The following PCDHGA1 variants were observed in gnomAD, a reference collection of about 807,000 sequenced individuals.
The protein encoded by PCDHGA1 is protocadherin gamma-A1.
In PCDHGA1, 32 loss-of-function variants were observed where a neutral mutation model predicts 58.0. That is an observed-to-expected ratio of 0.55 (90% CI 0.42 to 0.74). The LOEUF (loss-of-function observed/expected upper bound fraction) is 0.74. PCDHGA1 is among the 30% of genes least tolerant of loss of function. The probability of loss-of-function intolerance (pLI) is 0.00; values close to 1 mark genes in which losing one functional copy is unlikely to be tolerated. For missense variants in PCDHGA1, 1,205 were observed against 1,182.3 expected (o/e 1.02, Z -0.28); for synonymous variants, 498 against 501.1 (o/e 0.99, Z 0.08).
chr5:141,341,139 G>A, intron 1 of PCDHGA1: 2 of 1,614,194 alleles, frequency 1.2e-6, no homozygotes, highest in Non-Finnish European at 1.7e-6. Context: ...CACAAGTCAC[G>A]CCTGCTGCAG....
intron 1 of PCDHGA1, among the ~76,000 whole-genome samples, chr5:141,358,974 C>A (rs1440988356): frequency 1.3e-5 from 2 of 152,270 alleles, no homozygotes; most frequent in African/African-American, 2.4e-5. Flanking sequence ...TGTGAGAATT[C>A]AAAATTCATG....
chr5:141,333,079 GAAGACAAAAAGGAA>G lies in PCDHGA1; in HGVS notation c.2396_2409del (p.Glu799AlafsTer30). 6.2e-7 allele frequency: 1 copy of G among 1,614,108 alleles called. No homozygotes were observed. Among genetic ancestry groups the G allele is most frequent in the Non-Finnish European group, 8.5e-7 (1 of 1,180,010 alleles). On this transcript the variant is annotated frameshift_variant, in exon 1 of 4. Coordinates refer to ENST00000517417, the MANE Select transcript of PCDHGA1 (RefSeq NM_018912.3). LOFTEE classifies it high-confidence loss of function. ...TCTATCAGCACCCCAGTCTTTACTTGAAGACAAAAAGGAACCATTTTCTCAGGTAAACTTTTGTG... is the reference window on the plus strand; with the variant it reads ...TCTATCAGCACCCCAGTCTTTACTTGCCATTTTCTCAGGTAAACTTTTGTG...
chr5:141,403,207 CACCGCGGGTAGGATAG>C, intron 1 of PCDHGA1: 1 of 1,613,966 alleles, frequency 6.2e-7, no homozygotes, highest in South Asian at 1.1e-5. Context: ...GCACCTTGGT[CACCGCGGGTAGGATAG>C]ACCGGGAGGA....
chr5:141,347,143 CTTTCTT>C (rs1757902436), intron 1 of PCDHGA1, among the ~76,000 whole-genome samples: 6 of 104,078 alleles, frequency 5.8e-5, no homozygotes, highest in South Asian at 2.9e-4. Context: ...TTCTCTCTTT[CTTTCTT>C]TCTTTCTTTC....
chr5:141,372,765 A>G, intron 1 of PCDHGA1: 1 of 1,612,386 alleles, frequency 6.2e-7, no homozygotes, highest in Non-Finnish European at 8.5e-7. Flanking sequence ...GTTTGAAAGT[A>G]ATGACAATCC....
chr5:141,429,390 A>T (rs556289214), intron 1 of PCDHGA1, among the ~76,000 whole-genome samples: 3,394 of 150,296 alleles, frequency 0.023, 54 homozygotes, highest in South Asian at 0.043. Context: ...TTTTTTTTAA[A>T]AAAAATTGAG....
rs374680392 is a variant in PCDHGA1, at chr5:141,350,390, C to G, written c.2421+17285C>G. 1.1e-4 allele frequency: 173 copies of G among 1,596,702 alleles called. No individual in the cohort carries two copies. The highest frequency in any genetic ancestry group is 1.4e-4 in the Non-Finnish European group (167 of 1,169,146). ...TCCAGAGGAGCTAGCCAACGGCTCA[C>G]GGGTGGGGAAACTTGCCAAGGATCT... On this transcript the variant is annotated intron_variant, in intron 1 of 3. Transcript: ENST00000517417.
chr5:141,346,360 C>T (rs370532251), intron 1 of PCDHGA1: 14 of 1,614,110 alleles, frequency 8.7e-6, no homozygotes, highest in Non-Finnish European at 1.1e-5. Flanking sequence ...CCCAACTATG[C>T]GGACACGCTC....
chr5:141,453,620 A>G (rs2098770145), intron 1 of PCDHGA1, among the ~76,000 whole-genome samples: 1 of 152,196 alleles, frequency 6.6e-6, no homozygotes. Context: ...CAAAAACAAA[A>G]CCTATACATA....
chr5:141,510,837 GTCAAGGCCCAGGGTGC>G, intron 3 of PCDHGA1, 94 bp from the exon 4 acceptor site: 1 of 1,586,392 alleles, frequency 6.3e-7, no homozygotes, highest in Non-Finnish European at 8.6e-7. Flanking sequence ...GCTCAGCGTG[GTCAAGGCCCAGGGTGC>G]TGTATAGGCA....
At chr5:141,454,283 T>G (rs2098785864) in intron 1 of PCDHGA1, among the ~76,000 whole-genome samples, 1 of 152,134 alleles carries the variant, frequency 6.6e-6, no homozygotes, top group Non-Finnish European at 1.5e-5. Flanking sequence ...AACTTCACAT[T>G]AAAGGAACTC....
Position 141,332,852 on chromosome 5 carries a change from GTCTGCTA to G in PCDHGA1, c.2169_2175del (p.Leu724ArgfsTer7). Reference sequence around the variant, plus strand: ...AGGCTGCGGCGCTGGCACAAGTCACGTCTGCTACAGGCTTCGGGAGGCGGCTTAGCGA... The same window carrying G: ...AGGCTGCGGCGCTGGCACAAGTCACGCAGGCTTCGGGAGGCGGCTTAGCGA... On this transcript the variant is annotated frameshift_variant, in exon 1 of 4. Coordinates refer to ENST00000517417, the MANE Select transcript of PCDHGA1 (RefSeq NM_018912.3). LOFTEE classifies it high-confidence loss of function. The surrounding 1 kb of genome is among the most constrained non-coding windows in gnomAD (Gnocchi z 4.6). 1 of 1,614,236 alleles carries G rather than the reference GTCTGCTA, an allele frequency of 6.2e-7. No individual in the cohort carries two copies. Among genetic ancestry groups the G allele is most frequent in the Non-Finnish European group, 8.5e-7 (1 of 1,180,056 alleles).
In PCDHGA1 at chr5:141,485,066, G is replaced by A. The variant is rs907517904; in HGVS notation, c.2422-9741G>A. On this transcript the variant is annotated intron_variant, in intron 1 of 3. Coordinates refer to ENST00000517417, the MANE Select transcript of PCDHGA1 (RefSeq NM_018912.3). This position sits in a 1 kb window ranked among gnomAD's most constrained non-coding sequence, Gnocchi z 5.7. Reference sequence around the variant, plus strand: ...GCGGCGCCGGCCGAACCGCGCCAGAGCTGGCGCGGGGAAAGGGAGATAGGT... The same window carrying A: ...GCGGCGCCGGCCGAACCGCGCCAGAACTGGCGCGGGGAAAGGGAGATAGGT... 1 of 885,622 alleles carries A rather than the reference G, an allele frequency of 1.1e-6. No individual in the cohort carries two copies. Among genetic ancestry groups the A allele is most frequent in the Non-Finnish European group, 1.8e-6 (1 of 559,820 alleles). 54.9% of individuals were successfully genotyped at this position (885,622 alleles called of 1,614,324 possible).
At chr5:141,393,322 A>C (rs780040037) in intron 1 of PCDHGA1, 21 of 1,611,334 alleles carry the variant, frequency 1.3e-5, no homozygotes, top group Middle Eastern at 1.6e-4. Context: ...CTCCAGAGCT[A>C]CCAGCTCAGC....
chr5:141,417,940 C>A, intron 1 of PCDHGA1: 2 of 1,613,054 alleles, frequency 1.2e-6, no homozygotes, highest in Non-Finnish European at 1.7e-6. Flanking sequence ...TGTTCTACCC[C>A]ACGCTGTGTG....
intron 1 of PCDHGA1, chr5:141,405,580 G>T: frequency 1.7e-6 from 1 of 591,996 alleles, no homozygotes; most frequent in South Asian, 2.1e-5. Flanking sequence ...GAGTAGCTGG[G>T]ACTACAGGCC....
At chr5:141,405,044 G>T (rs769617162) in intron 1 of PCDHGA1, 160 of 1,613,938 alleles carry the variant, frequency 9.9e-5, no homozygotes, top group Middle Eastern at 1.6e-4. Flanking sequence ...TGTGGCTGTG[G>T]CAGTCGTCTC....
At chr5:141,395,901 C>G (rs1019647060) in intron 1 of PCDHGA1, 6 of 152,046 alleles carry the variant, frequency 3.9e-5, no homozygotes, top group African/African-American at 1.4e-4. Flanking sequence ...GCTCCATGCC[C>G]ATGGAGACAT....
chr5:141,409,566 C>G (rs750850161), intron 1 of PCDHGA1: 1 of 1,613,978 alleles, frequency 6.2e-7, no homozygotes, highest in South Asian at 1.1e-5. Flanking sequence ...TTCGACCAGA[C>G]GTCCTACGTG....
Sources: gnomAD v4.1 joint callset for allele counts (sites outside exome capture counted in the v4.1 genomes callset) on GRCh38, gnomAD v4.1.1 for gene constraint, Gnocchi (gnomAD v3.1) non-coding constraint, MANE v1.5 for transcripts, NCBI Gene and HGNC (gene_info 2026-07-23, HGNC 2026-07-21) for gene names.